The following CCM2 variants were observed in gnomAD, a reference collection of about 807,000 sequenced individuals.
CCM2 encodes cerebral cavernous malformations 2 protein.
In CCM2, 25 loss-of-function variants were observed where a neutral mutation model predicts 44.9. The observed-to-expected ratio is 0.56, with a 90% CI of 0.41 to 0.78. The LOEUF (loss-of-function observed/expected upper bound fraction) is 0.78. CCM2 is among the 30% of genes least tolerant of loss of function. The probability of loss-of-function intolerance (pLI) is 0.00; values close to 1 mark genes in which losing one functional copy is unlikely to be tolerated. For synonymous variants in CCM2, 219 were observed against 241.1 expected (o/e 0.91, Z 0.85); for missense variants, 481 against 580.6 (o/e 0.83, Z 1.76).
intron 8 of CCM2, 58 bp downstream of exon 8, chr7:45,073,629 A>T: frequency 3.4e-6 from 4 of 1,168,172 alleles, no homozygotes; most frequent in East Asian, 2.5e-5. Context: ...CCCAGGGAGG[A>T]TGGGGGGAAG....
intron 2 of CCM2, among the ~76,000 whole-genome samples, chr7:45,051,988 A>C (rs1562894895): frequency 6.6e-6 from 1 of 152,162 alleles, no homozygotes. Flanking sequence ...TACAGGCGTG[A>C]GGGTATTTTA....
At chr7:45,027,708 C>T (rs376057553) in intron 1 of CCM2, 4 of 1,613,866 alleles carry the variant, frequency 2.5e-6, no homozygotes, top group East Asian at 2.2e-5. Flanking sequence ...GTAGAGAATG[C>T]ATAGTAGCTG....
At chr7:45,028,675 G>A (rs1412181432) in intron 1 of CCM2, among the ~76,000 whole-genome samples, 1 of 151,704 alleles carries the variant, frequency 6.6e-6, no homozygotes, top group Admixed American at 6.6e-5. Context: ...AGAAAAGAAA[G>A]AAATTAGCCG....
chr7:45,045,994 G>A (rs1258458286), intron 2 of CCM2, among the ~76,000 whole-genome samples: 1 of 152,158 alleles, frequency 6.6e-6, no homozygotes, highest in Non-Finnish European at 1.5e-5. Context: ...CTGAATAAGT[G>A]GAGAGACACA....
chr7:45,033,248 CG>C (rs1797053009), intron 1 of CCM2, among the ~76,000 whole-genome samples: 1 of 152,012 alleles, frequency 6.6e-6, no homozygotes, highest in Admixed American at 6.6e-5. Flanking sequence ...GATTGTAGGA[CG>C]GGGGAGCGCC....
At chr7:45,027,718 G>T (rs769667526) in intron 1 of CCM2, 4 of 1,614,114 alleles carry the variant, frequency 2.5e-6, no homozygotes, top group Non-Finnish European at 3.4e-6. Flanking sequence ...CATAGTAGCT[G>T]TCGGCAGAGG....
chr7:45,038,179 T>C (rs1797315808), intron 1 of CCM2, 74 bp from the exon 2 acceptor site: 10 of 1,583,688 alleles, frequency 6.3e-6, no homozygotes, highest in South Asian at 1.1e-5. Flanking sequence ...TGGCTACTTC[T>C]GTTTGTTAAC....
At chr7:45,037,969 A>G (rs1025728842) in intron 1 of CCM2, among the ~76,000 whole-genome samples, 1 of 152,174 alleles carries the variant, frequency 6.6e-6, no homozygotes, top group Non-Finnish European at 1.5e-5. Context: ...GTCTTGCCAG[A>G]TAAGGTTACC....
rs373134549 is a variant in CCM2, at chr7:45,074,094, G to T, written c.916-176G>T. ...CTTGGTCTCCTCTGGGTGGCCCCGT[G>T]CCAGGTCTGGTAGGATGGGGACACA... On this transcript the variant is annotated intron_variant, in intron 8 of 9. Transcript: ENST00000258781. The T allele has an allele frequency of 9.2e-6, 13 of 1,418,756 alleles. No individual in the cohort carries two copies. The East Asian group carries it at 2.5e-4, about 28-fold the overall frequency. 87.9% of individuals were successfully genotyped at this position (1,418,756 alleles called of 1,614,324 possible). A position where few individuals can be genotyped will look rare whatever the true frequency, so the allele number is the denominator to read the frequency against.
At chr7:45,053,433 G>A (rs750527192) in intron 2 of CCM2, among the ~76,000 whole-genome samples, 1 of 152,158 alleles carries the variant, frequency 6.6e-6, no homozygotes, top group Non-Finnish European at 1.5e-5. Flanking sequence ...TGATTTTCTT[G>A]TTTATATATA....
intron 1 of CCM2, among the ~76,000 whole-genome samples, chr7:45,033,342 A>AGGTT (rs1466241283): frequency 6.6e-6 from 1 of 152,160 alleles, no homozygotes; most frequent in Non-Finnish European, 1.5e-5. Context: ...ATAACAGTGT[A>AGGTT]GGTTGCATGT....
At chr7:45,049,924 A>G (rs1349523055) in intron 2 of CCM2, among the ~76,000 whole-genome samples, 2 of 152,264 alleles carry the variant, frequency 1.3e-5, no homozygotes, top group Non-Finnish European at 2.9e-5. Flanking sequence ...TGTAACAACT[A>G]TTTACATAAC....
chr7:45,030,686 A>G (rs1159072049), intron 1 of CCM2, among the ~76,000 whole-genome samples: 1 of 152,216 alleles, frequency 6.6e-6, no homozygotes, highest in East Asian at 1.9e-4. Context: ...AAGTGTTGGA[A>G]TTACAGGTGT....
intron 1 of CCM2, among the ~76,000 whole-genome samples, chr7:45,009,404 T>G (rs1313446367): frequency 3.5e-4 from 3 of 8,500 alleles, no homozygotes; most frequent in Non-Finnish European, 1.0e-3. Flanking sequence ...CTATACTTGT[T>G]TTTTTTTTTT....
intron 2 of CCM2, among the ~76,000 whole-genome samples, chr7:45,046,750 A>G (rs1797773427): frequency 6.6e-6 from 1 of 152,242 alleles, no homozygotes; most frequent in South Asian, 2.1e-4. Context: ...CTTCATCAAA[A>G]TTTAAAACTC....
chr7:45,024,537 C>T (rs773460123), intron 1 of CCM2, among the ~76,000 whole-genome samples: 1 of 152,146 alleles, frequency 6.6e-6, no homozygotes, highest in Admixed American at 6.5e-5. Context: ...CTTGGATGAT[C>T]CTCGTTTTGC....
chr7:45,009,543 TA>T (rs1252150605), intron 1 of CCM2, among the ~76,000 whole-genome samples: 4 of 151,680 alleles, frequency 2.6e-5, no homozygotes, highest in Non-Finnish European at 5.9e-5. Flanking sequence ...CAGCTGGGAT[TA>T]CAGGCATGTG....
chr7:45,046,483 A>G (rs576221822), intron 2 of CCM2, among the ~76,000 whole-genome samples: 1 of 152,330 alleles, frequency 6.6e-6, no homozygotes, highest in East Asian at 1.9e-4. Context: ...GTTCATAAGC[A>G]ATTCAGTGGA....
intron 2 of CCM2, among the ~76,000 whole-genome samples, chr7:45,046,854 A>G (rs922399810): frequency 2.6e-5 from 4 of 152,238 alleles, no homozygotes; most frequent in African/African-American, 7.2e-5. Flanking sequence ...TCTACAGTAT[A>G]TAAAGAACTC....
Sources: allele counts gnomAD v4.1 joint callset (sites outside exome capture counted in the v4.1 genomes callset), GRCh38; gene constraint gnomAD v4.1.1; transcripts MANE v1.5; gene names NCBI Gene and HGNC (gene_info 2026-07-23, HGNC 2026-07-21).